WWOX: variants seen among roughly 807,000 people sequenced by gnomAD.
The protein encoded by WWOX is WW domain containing oxidoreductase, also known as WW domain-containing oxidoreductase.
A neutral mutation model predicts 46.2 loss-of-function variants in WWOX; 69 were observed. The observed-to-expected ratio is 1.49, with a 90% confidence interval of 1.23 to 1.82. The LOEUF (loss-of-function observed/expected upper bound fraction) is 1.82. WWOX is among the 40% of genes most tolerant of loss of function. The probability of loss-of-function intolerance (pLI) is 0.00; values close to 1 mark genes in which losing one functional copy is unlikely to be tolerated. For missense variants in WWOX, 919 were observed against 542.6 expected, an observed-to-expected ratio of 1.69 and a Z score of -6.89; for synonymous variants, 359 against 202.6, an observed-to-expected ratio of 1.77 and a Z score of -6.56.
intron 8 of WWOX, among the ~76,000 whole-genome samples, chr16:79,090,406 C>T (rs902490079): frequency 3.9e-5 from 6 of 151,918 alleles, no homozygotes; most frequent in African/African-American, 1.2e-4. Context: ...AGTTATCTCA[C>T]GTTTCTGGAG....
chr16:78,492,808 A>T (rs1303162482), intron 8 of WWOX, among the ~76,000 whole-genome samples: 1 of 152,108 alleles, frequency 6.6e-6, no homozygotes, highest in Non-Finnish European at 1.5e-5. Context: ...GCCTTTTGAC[A>T]AATTTCTGGG....
At chr16:78,542,996 C>A (rs1362221369) in intron 8 of WWOX, among the ~76,000 whole-genome samples, 1 of 152,162 alleles carries the variant, frequency 6.6e-6, no homozygotes, top group Non-Finnish European at 1.5e-5. Context: ...TCATGGTCTA[C>A]CTGTGTGACT....
chr16:78,736,412 A>G (rs929818032), intron 8 of WWOX, among the ~76,000 whole-genome samples: 2 of 152,078 alleles, frequency 1.3e-5, no homozygotes, highest in Non-Finnish European at 2.9e-5. Context: ...CTAAAAGGGG[A>G]TCTGACCAGG....
chr16:78,955,386 GAC>G (rs1188497404), intron 8 of WWOX, among the ~76,000 whole-genome samples: 3 of 152,182 alleles, frequency 2.0e-5, no homozygotes, highest in Non-Finnish European at 2.9e-5. Flanking sequence ...ACTCAGGTCA[GAC>G]TTGAGGCAAG....
intron 8 of WWOX, among the ~76,000 whole-genome samples, chr16:78,622,477 G>C (rs1017731924): frequency 6.6e-6 from 1 of 151,992 alleles, no homozygotes; most frequent in Admixed American, 6.6e-5. Context: ...AGGAGACGGG[G>C]GTTGCAGGGA....
At chr16:79,030,863 G>C (rs554985463) in intron 8 of WWOX, among the ~76,000 whole-genome samples, 3 of 152,038 alleles carry the variant, frequency 2.0e-5, no homozygotes, top group African/African-American at 7.2e-5. Context: ...CAGGAGGATC[G>C]CTTGAGCCCA....
chr16:78,837,547 T>A (rs1435479762), intron 8 of WWOX, among the ~76,000 whole-genome samples: 2 of 152,194 alleles, frequency 1.3e-5, no homozygotes, highest in Non-Finnish European at 2.9e-5. Flanking sequence ...TACTTTTTTT[T>A]ATTATTATTT....
intron 5 of WWOX, among the ~76,000 whole-genome samples, chr16:78,337,564 G>A (rs1037930113): frequency 6.6e-6 from 1 of 152,132 alleles, no homozygotes; most frequent in African/African-American, 2.4e-5. Flanking sequence ...CATAATGACA[G>A]GTGTCTGTCA....
At chr16:78,208,974 A>T (rs1236270961) in intron 5 of WWOX, among the ~76,000 whole-genome samples, 1 of 152,066 alleles carries the variant, frequency 6.6e-6, no homozygotes, top group Non-Finnish European at 1.5e-5. Context: ...GAAGAATGGG[A>T]ATGGAAGGAG....
intron 8 of WWOX, among the ~76,000 whole-genome samples, chr16:78,855,994 G>C (rs1201921791): frequency 6.6e-6 from 1 of 152,168 alleles, no homozygotes; most frequent in Non-Finnish European, 1.5e-5. Flanking sequence ...TACCCAAGAA[G>C]GAGGTGACTA....
intron 8 of WWOX, among the ~76,000 whole-genome samples, chr16:79,210,524 G>A (rs1286411959): frequency 1.3e-5 from 2 of 152,074 alleles, no homozygotes; most frequent in Admixed American, 6.6e-5. Flanking sequence ...TTGTGGGGGC[G>A]AGCTTATCTT....
intron 8 of WWOX, chr16:79,004,603 C>G (rs1030894934): frequency 7.2e-5 from 11 of 152,236 alleles, no homozygotes; most frequent in Non-Finnish European, 1.2e-4. Flanking sequence ...TCCTGTTCAA[C>G]CCTCTTAAAT....
chr16:78,814,079 G>A (rs1302453957), intron 8 of WWOX, among the ~76,000 whole-genome samples: 1 of 152,156 alleles, frequency 6.6e-6, no homozygotes, highest in Non-Finnish European at 1.5e-5. Context: ...CAGGCACATG[G>A]GCTGTGGCTC....
rs143889582 is a variant in WWOX at position 79,151,488 on chromosome 16, A to G, written c.1057-60120A>G. Among the ~76,000 whole-genome samples the G allele has an allele frequency of 1.2e-4, 19 of 152,344 alleles. No individual in the cohort carries two copies. In the East Asian group the frequency reaches 3.1e-3, roughly 25 times the overall value. ...GGAGGTGGCAGAGGGAGAGGACAGT[A>G]ACCAATACCGCTCCTTCTACATGAT... On this transcript the variant is annotated intron_variant, in intron 8 of 8. Coordinates refer to ENST00000566780, the MANE Select transcript of WWOX (RefSeq NM_016373.4).
At chr16:78,438,192 G>T (rs1262366927) in intron 8 of WWOX, among the ~76,000 whole-genome samples, 1 of 152,076 alleles carries the variant, frequency 6.6e-6, no homozygotes, top group Non-Finnish European at 1.5e-5. Flanking sequence ...CATAATTTCT[G>T]TTAGAATTAA....
At chr16:78,815,363 C>G (rs189132364) in intron 8 of WWOX, among the ~76,000 whole-genome samples, 88 of 152,180 alleles carry the variant, frequency 5.8e-4, no homozygotes, top group African/African-American at 2.0e-3. Context: ...TACATTTTAG[C>G]TGACAAGGGC....
At chr16:78,840,985 C>T (rs150475616) in intron 8 of WWOX, among the ~76,000 whole-genome samples, 32 of 152,100 alleles carry the variant, frequency 2.1e-4, no homozygotes, top group African/African-American at 7.5e-4. Flanking sequence ...TGGCCTTTGG[C>T]ACTTAGCAGG....
At chr16:78,996,231 G>A (rs2046984787) in intron 8 of WWOX, 1 of 985,098 alleles carries the variant, frequency 1.0e-6, no homozygotes, top group Non-Finnish European at 1.2e-6. Context: ...GATAGAAGAA[G>A]TAACCTTGAA....
intron 8 of WWOX, among the ~76,000 whole-genome samples, chr16:78,616,818 C>G (rs890184020): frequency 6.6e-6 from 1 of 152,070 alleles, no homozygotes; most frequent in African/African-American, 2.4e-5. Context: ...ACTCAGGAAG[C>G]CTTCACTCTA....
Sources: allele counts gnomAD v4.1 joint callset (sites outside exome capture counted in the v4.1 genomes callset), GRCh38; gene constraint gnomAD v4.1.1; transcripts MANE v1.5; gene names NCBI Gene and HGNC (gene_info 2026-07-23, HGNC 2026-07-21).